NEK5: variants seen among roughly 807,000 people sequenced by gnomAD.
NEK5 encodes NIMA related kinase 5.
A neutral mutation model predicts 109.2 loss-of-function variants in NEK5; 88 were observed. That is an observed-to-expected ratio of 0.81 (90% CI 0.68 to 0.96). NEK5 has a LOEUF of 0.96. Among genes scored for constraint, NEK5 ranks in the 40% least tolerant of loss-of-function variants. The pLI is 0.00. For missense variants in NEK5, 834 were observed against 920.7 expected (o/e 0.91, Z 1.22); for synonymous variants, 283 against 299.9 (o/e 0.94, Z 0.58).
chr13:52,080,888 T>TAAAAAA (rs1954997687), intron 17 of NEK5, among the ~76,000 whole-genome samples: 3 of 79,962 alleles, frequency 3.8e-5, no homozygotes, highest in Non-Finnish European at 9.5e-5. Flanking sequence ...GAATGATCAA[T>TAAAAAA]TAAAAAAAAA....
intron 8 of NEK5, among the ~76,000 whole-genome samples, chr13:52,107,870 G>A (rs944097501): frequency 3.3e-5 from 5 of 152,042 alleles, no homozygotes; most frequent in African/African-American, 1.2e-4. Context: ...CCAGGACCTA[G>A]ACCCATTTAG....
At chr13:52,099,636 C>A in intron 12 of NEK5, 107 bp downstream of exon 12, 1 of 1,269,602 alleles carries the variant, frequency 7.9e-7, no homozygotes, top group Non-Finnish European at 1.1e-6. Flanking sequence ...CGCCACTGCA[C>A]TCCAGCCTGG....
intron 22 of NEK5, among the ~76,000 whole-genome samples, chr13:52,052,061 T>A (rs375346921): frequency 1.2e-4 from 19 of 152,292 alleles, no homozygotes; most frequent in East Asian, 1.2e-3. Flanking sequence ...AACTTTTGTC[T>A]CTTATCTACC....
chr13:52,063,083 T>C (rs1003161136), intron 21 of NEK5, among the ~76,000 whole-genome samples: 2 of 150,104 alleles, frequency 1.3e-5, no homozygotes, highest in African/African-American at 5.0e-5. Context: ...CCCCACGGTC[T>C]CCCTCTCCCT....
At chr13:52,075,329 C>A (rs1000570877) in intron 19 of NEK5, among the ~76,000 whole-genome samples, 2 of 152,150 alleles carry the variant, frequency 1.3e-5, no homozygotes, top group Non-Finnish European at 2.9e-5. Context: ...AACATGGATG[C>A]AGCTGGAGGC....
At chr13:52,099,648 G>A (rs1955488893) in intron 12 of NEK5, 95 bp downstream of exon 12, 7 of 1,373,982 alleles carry the variant, frequency 5.1e-6, no homozygotes, top group African/African-American at 2.9e-5. Context: ...CCAGCCTGGC[G>A]ACAGAGCGAG....
At chr13:52,044,539 G>T (rs1207614209) in intron 23 of NEK5, among the ~76,000 whole-genome samples, 1 of 152,100 alleles carries the variant, frequency 6.6e-6, no homozygotes, top group Non-Finnish European at 1.5e-5. Flanking sequence ...CTACACAATG[G>T]GATACTACTG....
chr13:52,079,945 G>C (rs1204050567), intron 17 of NEK5, among the ~76,000 whole-genome samples: 1 of 151,582 alleles, frequency 6.6e-6, no homozygotes, highest in Non-Finnish European at 1.5e-5. Context: ...GCCTCTACCC[G>C]GCCGCGACCC....
intron 13 of NEK5, among the ~76,000 whole-genome samples, chr13:52,091,932 TGTC>T (rs1341158672): frequency 1.4e-4 from 22 of 152,226 alleles, no homozygotes; most frequent in African/African-American, 5.3e-4. Flanking sequence ...TTTCTCAAAA[TGTC>T]TCAAATGATC....
intron 13 of NEK5, among the ~76,000 whole-genome samples, chr13:52,089,990 G>A (rs1228701534): frequency 6.6e-6 from 1 of 151,542 alleles, no homozygotes; most frequent in Non-Finnish European, 1.5e-5. Context: ...GAAAAGAAAA[G>A]AAAAAAAAGA....
At chr13:52,052,848 C>T (rs549104320) in intron 22 of NEK5, among the ~76,000 whole-genome samples, 29 of 152,236 alleles carry the variant, frequency 1.9e-4, no homozygotes, top group African/African-American at 6.5e-4. Context: ...TAAACCTTGA[C>T]TGTGCCTTTT....
In NEK5 at chr13:52,045,467, GA is replaced by G. The variant is rs200871025; in HGVS notation, c.2228+4636del. Among the ~76,000 whole-genome samples the G allele has an allele frequency of 4.3e-3, 623 of 144,962 alleles. 4 individuals carry two copies. The highest frequency in any genetic ancestry group is 0.015 in the African/African-American group (579 of 39,820). On this transcript the variant is annotated intron_variant, in intron 23 of 23. Transcript: ENST00000684899. ...TGGAATAAGTGAGGAGTTATTTGGGGAAAAAAAAAAGTTGGGGGCCGAGCAC... is the reference window on the plus strand; with the variant it reads ...TGGAATAAGTGAGGAGTTATTTGGGGAAAAAAAAAGTTGGGGGCCGAGCAC...
intron 21 of NEK5, among the ~76,000 whole-genome samples, chr13:52,064,212 T>C: frequency 7.9e-6 from 1 of 126,312 alleles, no homozygotes; most frequent in African/African-American, 3.0e-5. Flanking sequence ...AGCCGCCCCG[T>C]CCGGGAGGGA....
intron 19 of NEK5, among the ~76,000 whole-genome samples, chr13:52,074,999 G>A (rs890518260): frequency 1.4e-4 from 21 of 152,180 alleles, no homozygotes; most frequent in African/African-American, 4.3e-4. Context: ...GCAGAGAAAA[G>A]GGAATGCTTA....
intron 19 of NEK5, 43 bp from the exon 20 acceptor site, chr13:52,072,113 T>G: frequency 6.5e-7 from 1 of 1,538,338 alleles, no homozygotes; most frequent in African/African-American, 1.4e-5. Flanking sequence ...TAGCCATATT[T>G]TGAAAGAAAG....
At chr13:52,056,279 G>C (rs1954554465) in intron 22 of NEK5, among the ~76,000 whole-genome samples, 1 of 151,952 alleles carries the variant, frequency 6.6e-6, no homozygotes, top group African/African-American at 2.4e-5. Flanking sequence ...CAATACAGGA[G>C]CACCCAGATT....
In NEK5 at chr13:52,065,552, G is replaced by C. The variant is rs138340585; in HGVS notation, c.1907C>G (p.Ala636Gly). 34 of 1,613,834 alleles carry C rather than the reference G, an allele frequency of 2.1e-5. No individual in the cohort carries two copies. The highest frequency in any genetic ancestry group is 2.9e-5 in the Non-Finnish European group (34 of 1,179,798). Residue 636 changes from alanine (A) to glycine (G), a missense_variant, in exon 21 of 24, where the codon GCG becomes GGG. Around this residue, in one of 2 missense-constraint regions of NEK5, gnomAD observed 777 missense variants for 824.7 expected, o/e 0.94. Transcript: ENST00000684899. Reference sequence around the variant, plus strand: ...CATCATCTGCAGCAGAGTCTGAGGCGCTCCTCCATCCCACTGCCTCCTGTT... The same window carrying C: ...CATCATCTGCAGCAGAGTCTGAGGCCCTCCTCCATCCCACTGCCTCCTGTT... ...VGNRRQWDGG[A>G]PQTLLQMMAV... is the part of the protein sequence containing the mutation.
Position 52,112,268 on chromosome 13 carries a change from C to G in NEK5, c.312G>C (p.Gln104His). ...TAAAAAGCAAATTAGAAGTTTTTAC[C>G]TGATCTTCACTAAATAACACACCCC... ...RQRGVLFSED[Q>H]ILGWFVQISL... Residue 104 changes from glutamine to histidine, a missense_variant and splice_region_variant, in exon 5 of 24, where the codon CAG becomes CAC. By Grantham distance (24) the Gln-to-His change is conservative. Around this residue, in one of 2 missense-constraint regions of NEK5, gnomAD observed 777 missense variants for 824.7 expected, o/e 0.94. Coordinates refer to ENST00000684899, the MANE Select transcript of NEK5 (RefSeq NM_001365552.1). The G allele has an allele frequency of 6.3e-7, 1 of 1,582,088 alleles. No individual in the cohort carries two copies. The highest frequency in any genetic ancestry group is 1.3e-5 in the African/African-American group (1 of 74,322).
intron 17 of NEK5, chr13:52,082,305 A>G: frequency 1.0e-6 from 1 of 965,148 alleles, no homozygotes; most frequent in Non-Finnish European, 1.4e-6. Context: ...ACAAGAGCGA[A>G]ATTCCATCTA....
Sources: gnomAD v4.1 joint callset for allele counts (sites outside exome capture counted in the v4.1 genomes callset) on GRCh38, gnomAD v4.1.1 for gene constraint, gnomAD v4.1.1 regional missense constraint, MANE v1.5 for transcripts, NCBI Gene and HGNC (gene_info 2026-07-23, HGNC 2026-07-21) for gene names.